The following APP variants were observed in gnomAD, a reference collection of about 807,000 sequenced individuals.
APP encodes amyloid-beta precursor protein.
Under a neutral mutation model 101.4 loss-of-function variants are expected in APP, and 31 were observed. The ratio of observed to expected loss-of-function variants is 0.31; its 90% CI spans 0.23 to 0.41. The LOEUF is 0.41. APP is among the 10% of genes least tolerant of loss of function. The pLI, the probability that APP is intolerant of heterozygous loss-of-function variation, is 1.00. For missense variants in APP, 839 were observed against 1,003.7 expected (o/e 0.84, Z 2.22); for synonymous variants, 366 against 364.4 (o/e 1.00, Z -0.05).
chr21:26,003,063 T>C (rs969196463), intron 6 of APP, among the ~76,000 whole-genome samples: 12 of 152,208 alleles, frequency 7.9e-5, no homozygotes, highest in Non-Finnish European at 2.9e-5. Flanking sequence ...CTAAATGGCA[T>C]TATATTAACA....
intron 15 of APP, among the ~76,000 whole-genome samples, chr21:25,903,247 T>C (rs746646022): frequency 5.3e-5 from 8 of 151,544 alleles, no homozygotes; most frequent in Middle Eastern, 3.4e-3. Flanking sequence ...GGCGCATCTG[T>C]AGTCCCAGCT....
intron 6 of APP, among the ~76,000 whole-genome samples, chr21:26,001,713 G>C (rs913187571): frequency 6.6e-6 from 1 of 152,152 alleles, no homozygotes; most frequent in African/African-American, 2.4e-5. Flanking sequence ...AGGCCAGGCT[G>C]GTCTTGAACT....
At chr21:26,107,022 CA>C (rs1453530352) in intron 2 of APP, among the ~76,000 whole-genome samples, 1 of 152,200 alleles carries the variant, frequency 6.6e-6, no homozygotes, top group African/African-American at 2.4e-5. Context: ...CATTGAAATG[CA>C]GGTGTTGTCT....
At position 26,090,000 on chromosome 21, in the gene APP, G is replaced by A. The variant is rs200347552; in HGVS notation, c.298C>T (p.Arg100Trp). 24 of 1,614,048 alleles carry A rather than the reference G, an allele frequency of 1.5e-5. No individual in the cohort carries two copies. The highest frequency in any genetic ancestry group is 2.2e-5 in the South Asian group (2 of 91,084). The change falls in exon 3 of 18, where the codon CGG (arginine) becomes TGG (tryptophan). Residue 100 changes from arginine to tryptophan, a missense_variant. Coordinates refer to ENST00000346798, the MANE Select transcript of APP (RefSeq NM_000484.4). ...TGGGTCTTGCACTGCTTGCGGCCCC[G>A]CTTGCACCAGTTCTGGATGGTCACT... ...QPVTIQNWCK[R>W]GRKQCKTHPH...
chr21:26,111,822 G>A (rs576847388), intron 2 of APP, among the ~76,000 whole-genome samples, 157 bp downstream of exon 2: 1 of 152,224 alleles, frequency 6.6e-6, no homozygotes, highest in East Asian at 1.9e-4. Flanking sequence ...ATATCATAGG[G>A]TAATGCAAAT....
intron 13 of APP, among the ~76,000 whole-genome samples, chr21:25,914,796 G>A (rs553062204): frequency 1.0e-3 from 159 of 152,148 alleles, no homozygotes; most frequent in African/African-American, 3.3e-3. Flanking sequence ...TTCGTGATCC[G>A]CCCGCCTCGG....
At chr21:25,911,337 C>T (rs1188346725) in intron 14 of APP, among the ~76,000 whole-genome samples, 1 of 152,146 alleles carries the variant, frequency 6.6e-6, no homozygotes, top group Admixed American at 6.5e-5. Flanking sequence ...ACTGTGGCTC[C>T]CCTTCGTCCG....
At chr21:26,095,987 C>T (rs945149588) in intron 2 of APP, among the ~76,000 whole-genome samples, 1 of 152,192 alleles carries the variant, frequency 6.6e-6, no homozygotes, top group Non-Finnish European at 1.5e-5. Context: ...AAACCCAAGC[C>T]TCTGTCAGCT....
intron 17 of APP, 91 bp downstream of exon 17, chr21:25,891,631 G>C: frequency 3.1e-6 from 4 of 1,294,708 alleles, no homozygotes; most frequent in Non-Finnish European, 2.2e-6. Context: ...TTTTTTAAAA[G>C]AGATACTTAG....
chr21:25,886,176 A>G (rs2037312349), intron 17 of APP, among the ~76,000 whole-genome samples: 1 of 152,152 alleles, frequency 6.6e-6, no homozygotes, highest in Non-Finnish European at 1.5e-5. Context: ...TCTGCGGAAA[A>G]AAAAAATAAA....
chr21:25,912,733 C>A (rs1354048732), intron 13 of APP, among the ~76,000 whole-genome samples: 1 of 151,904 alleles, frequency 6.6e-6, no homozygotes, highest in African/African-American at 2.4e-5. Context: ...TGCCGCCTAC[C>A]CCCCCACTTT....
intron 6 of APP, among the ~76,000 whole-genome samples, chr21:26,001,128 C>T (rs2043276089): frequency 6.6e-6 from 1 of 152,154 alleles, no homozygotes; most frequent in African/African-American, 2.4e-5. Context: ...AAAACGCAGT[C>T]AATCAACTCC....
At chr21:26,127,111 A>G (rs1355207107) in intron 1 of APP, among the ~76,000 whole-genome samples, 1 of 152,186 alleles carries the variant, frequency 6.6e-6, no homozygotes, top group Non-Finnish European at 1.5e-5. Context: ...ATCAAAAATA[A>G]TTTTATTGTA....
intron 11 of APP, among the ~76,000 whole-genome samples, chr21:25,959,163 C>T (rs992143226): frequency 6.6e-6 from 1 of 152,072 alleles, no homozygotes; most frequent in Non-Finnish European, 1.5e-5. Context: ...GGCCAGGCGC[C>T]GTGGCTCACG....
chr21:26,119,357 A>G (rs996672073), intron 1 of APP, among the ~76,000 whole-genome samples: 2 of 152,248 alleles, frequency 1.3e-5, no homozygotes, highest in Admixed American at 6.5e-5. Context: ...TTAAATGTCT[A>G]ATTTGCATTT....
rs185071902 is a variant in APP at position 26,004,911 on chromosome 21, T to C, written c.866-4729A>G. ...AGTGAGAACATGCAGAGTTTGGTTT[T>C]CTGTCCTTGTGATAGTCTGCTGAGA... On this transcript the variant is annotated intron_variant, in intron 6 of 17. Transcript: ENST00000346798. Among the ~76,000 whole-genome samples, 370 of 152,184 alleles carry C rather than the reference T, an allele frequency of 2.4e-3. 3 individuals are homozygous for C. The highest frequency in any genetic ancestry group is 8.5e-3 in the African/African-American group (353 of 41,514).
In APP at chr21:25,997,491, C is replaced by T. The variant is rs2043103680; in HGVS notation, c.1034-75G>A. 4 of 1,358,360 alleles carry T rather than the reference C, an allele frequency of 2.9e-6. No individual in the cohort carries two copies. The South Asian group carries it at 3.5e-5, about 12-fold the overall frequency. The allele number at this position is 1,358,360 out of a possible 1,614,324, so 84.1% of individuals were successfully genotyped here. ...GAATGATGGCTGAAATGCACGAGTC[C>T]ACTGACAAAAAAACAACCTAACAAA... On this transcript the variant is annotated intron_variant, in intron 7 of 17. Transcript: ENST00000346798.
At chr21:26,021,029 T>C (rs928360855) in intron 6 of APP, among the ~76,000 whole-genome samples, 2 of 149,888 alleles carry the variant, frequency 1.3e-5, no homozygotes, top group African/African-American at 2.4e-5. Flanking sequence ...CATAAAATAA[T>C]GCGATACTCA....
At chr21:26,003,025 T>C (rs2043364164) in intron 6 of APP, among the ~76,000 whole-genome samples, 1 of 152,204 alleles carries the variant, frequency 6.6e-6, no homozygotes, top group Non-Finnish European at 1.5e-5. Flanking sequence ...TTACTTATGA[T>C]AAAGGCACAA....
Sources: gnomAD v4.1 joint callset for allele counts (sites outside exome capture counted in the v4.1 genomes callset) on GRCh38, gnomAD v4.1.1 for gene constraint, MANE v1.5 for transcripts, NCBI Gene and HGNC (gene_info 2026-07-23, HGNC 2026-07-21) for gene names.